Variants in GRM7 observed in about 807,000 individuals in gnomAD.
The protein encoded by GRM7 is metabotropic glutamate receptor 7.
A neutral mutation model predicts 84.5 loss-of-function variants in GRM7; 35 were observed. The ratio of observed to expected loss-of-function variants is 0.41; its 90% CI spans 0.32 to 0.55. GRM7 has a LOEUF of 0.55. GRM7 is among the 20% of genes least tolerant of loss of function. The pLI, the probability that GRM7 is intolerant of heterozygous loss-of-function variation, is 0.19. For missense variants in GRM7, 1,003 were observed against 1,194.6 expected (o/e 0.84, Z 2.36); for synonymous variants, 487 against 455.1 (o/e 1.07, Z -0.89).
In GRM7 at chr3:7,103,802, CTTTCTTTCTT is replaced by C. The variant is rs1348645181; in HGVS notation, c.520-42648_520-42639del. 1.9e-4 allele frequency among the ~76,000 whole-genome samples: 21 copies of C among 109,590 alleles called. 1 individual carries two copies. Among genetic ancestry groups the C allele is most frequent in the African/African-American group, 8.2e-4 (16 of 19,608 alleles). 71.9% of individuals were successfully genotyped at this position (109,590 alleles called of 152,430 possible). The stretch of plus-strand genomic sequence containing the variant: ...TCTTTCTTTCTTTCTTTCTTTCTTT[CTTTCTTTCTT>C]TCTTTCTCTCTCTCTCTGTCTCTCT... On this transcript the variant is annotated intron_variant, in intron 1 of 9. Coordinates refer to ENST00000357716, the MANE Select transcript of GRM7 (RefSeq NM_000844.4).
chr3:6,982,577 G>C (rs1302938526), intron 1 of GRM7, among the ~76,000 whole-genome samples: 1 of 150,938 alleles, frequency 6.6e-6, no homozygotes, highest in Non-Finnish European at 1.5e-5. Flanking sequence ...AACATCACCA[G>C]AATCAGACTA....
intron 1 of GRM7, among the ~76,000 whole-genome samples, chr3:7,020,039 G>C (rs747627924): frequency 6.6e-6 from 1 of 152,088 alleles, no homozygotes; most frequent in Non-Finnish European, 1.5e-5. Context: ...TATTAGAGAC[G>C]GGTTTCACCA....
At chr3:7,446,826 C>A (rs712789) in intron 5 of GRM7, among the ~76,000 whole-genome samples, 7 of 151,840 alleles carry the variant, frequency 4.6e-5, no homozygotes, top group African/African-American at 1.2e-4. Context: ...CTTTTTTATC[C>A]TAATAATTTG....
intron 1 of GRM7, among the ~76,000 whole-genome samples, chr3:7,101,244 A>G (rs1360131736): frequency 6.6e-6 from 1 of 151,804 alleles, no homozygotes; most frequent in Non-Finnish European, 1.5e-5. Flanking sequence ...TTCCAATTGC[A>G]CCACAGACTC....
At chr3:7,621,179 T>A (rs1697337131) in intron 8 of GRM7, among the ~76,000 whole-genome samples, 1 of 152,214 alleles carries the variant, frequency 6.6e-6, no homozygotes, top group East Asian at 1.9e-4. Flanking sequence ...AATGGCAGAA[T>A]CCTTATAATG....
chr3:7,560,756 C>T (rs779357321), intron 7 of GRM7, among the ~76,000 whole-genome samples: 1 of 152,140 alleles, frequency 6.6e-6, no homozygotes. Context: ...TTAAGAATCA[C>T]CTTTGCTACT....
chr3:7,733,570 C>G lies in GRM7; in HGVS notation c.2699-6787C>G, dbSNP rs117774686. Among the ~76,000 whole-genome samples, 47 of 152,298 alleles carry G rather than the reference C, an allele frequency of 3.1e-4. No individual in the cohort carries two copies. In the East Asian group the frequency reaches 6.4e-3, roughly 21 times the overall value. On this transcript the variant is annotated intron_variant, in intron 9 of 9. Transcript: ENST00000357716. The stretch of plus-strand genomic sequence containing the variant: ...CTTCCCTATCTGCCTAGCCATTTCT[C>G]TGCCTCCTGCCTCTATCATTAGAGT...
chr3:7,091,062 C>T (rs979899777), intron 1 of GRM7, among the ~76,000 whole-genome samples: 1 of 152,060 alleles, frequency 6.6e-6, no homozygotes, highest in African/African-American at 2.4e-5. Flanking sequence ...AAACTGATAT[C>T]CTATACTTTC....
intron 1 of GRM7, among the ~76,000 whole-genome samples, chr3:6,918,374 C>T (rs150995629): frequency 5.4e-4 from 82 of 152,264 alleles, no homozygotes; most frequent in African/African-American, 1.9e-3. Context: ...CTTCGTGTTA[C>T]TTAAGAGTCT....
intron 4 of GRM7, among the ~76,000 whole-genome samples, chr3:7,360,839 T>A (rs1255001988): frequency 6.6e-6 from 1 of 152,038 alleles, no homozygotes; most frequent in East Asian, 1.9e-4. Context: ...ACAAGTTTGA[T>A]CTTCTTTTCT....
At chr3:7,433,318 CTTCCA>C (rs1305379800) in intron 5 of GRM7, among the ~76,000 whole-genome samples, 1 of 152,214 alleles carries the variant, frequency 6.6e-6, no homozygotes, top group Non-Finnish European at 1.5e-5. Flanking sequence ...CGTGTTTACA[CTTCCA>C]TTCCTTCCCA....
chr3:6,874,150 G>C (rs1416929335), intron 1 of GRM7, among the ~76,000 whole-genome samples: 1 of 152,162 alleles, frequency 6.6e-6, no homozygotes, highest in Non-Finnish European at 1.5e-5. Flanking sequence ...TTGTTGTGAA[G>C]AATGAATGAC....
rs59392949 is a variant in GRM7, at chr3:7,491,412, GTA to G, written c.1515+29709_1515+29710del. Among the ~76,000 whole-genome samples, 544 of 149,704 alleles carry G rather than the reference GTA, an allele frequency of 3.6e-3. 4 individuals are homozygous for G. Among genetic ancestry groups the G allele is most frequent in the African/African-American group, 0.011 (431 of 40,870 alleles). On this transcript the variant is annotated intron_variant, in intron 7 of 9. Coordinates refer to ENST00000357716, the MANE Select transcript of GRM7 (RefSeq NM_000844.4). ...AATATTAAGGAAAATGATTTAGATGGTATATATATATATATATATAGTGAGAT... is the reference window on the plus strand; with the variant it reads ...AATATTAAGGAAAATGATTTAGATGGTATATATATATATATATAGTGAGAT...
intron 7 of GRM7, among the ~76,000 whole-genome samples, chr3:7,546,536 C>T (rs1269661291): frequency 1.3e-5 from 2 of 152,232 alleles, no homozygotes; most frequent in African/African-American, 4.8e-5. Flanking sequence ...CTGCTATGCC[C>T]TACAGAGAAG....
chr3:6,939,783 G>A (rs1697824078), intron 1 of GRM7, among the ~76,000 whole-genome samples: 1 of 152,186 alleles, frequency 6.6e-6, no homozygotes, highest in Non-Finnish European at 1.5e-5. Flanking sequence ...TACCTAATCA[G>A]CAGGCTAAGG....
At position 7,665,338 on chromosome 3, in the gene GRM7, AT is replaced by A. The variant is rs374326190; in HGVS notation, c.2452-14701del. On this transcript the variant is annotated intron_variant, in intron 8 of 9. Transcript: ENST00000357716. ...AGGTGCCCGCCACCGCACCCGGCTA[AT>A]TTTTTTTTTGTATTTTTAGTAGAGA... 5.4e-3 allele frequency among the ~76,000 whole-genome samples: 793 copies of A among 148,170 alleles called. 18 individuals are homozygous for A. In the East Asian group the frequency reaches 0.09, roughly 17 times the overall value.
At chr3:7,649,318 C>G (rs1166654006) in intron 8 of GRM7, among the ~76,000 whole-genome samples, 2 of 152,122 alleles carry the variant, frequency 1.3e-5, no homozygotes, top group African/African-American at 2.4e-5. Context: ...ATCCTCCTGC[C>G]TCGGCCTCCC....
chr3:7,321,353 C>T (rs978086162), intron 4 of GRM7, among the ~76,000 whole-genome samples: 2 of 151,912 alleles, frequency 1.3e-5, no homozygotes, highest in Non-Finnish European at 2.9e-5. Context: ...GTAGGCATGG[C>T]ATTATATGTA....
chr3:7,500,831 C>T (rs1037541277), intron 7 of GRM7, among the ~76,000 whole-genome samples: 1 of 152,180 alleles, frequency 6.6e-6, no homozygotes, highest in African/African-American at 2.4e-5. Flanking sequence ...CAGACGTGCA[C>T]TGGGGATACA....
Sources: allele counts gnomAD v4.1 joint callset (sites outside exome capture counted in the v4.1 genomes callset), GRCh38; gene constraint gnomAD v4.1.1; transcripts MANE v1.5; gene names NCBI Gene and HGNC (gene_info 2026-07-23, HGNC 2026-07-21).